Variants in FAM180A observed in about 807,000 individuals in gnomAD.
The protein encoded by FAM180A is family with sequence similarity 180 member A, also known as protein FAM180A.
In FAM180A, 14 loss-of-function variants were observed where a neutral mutation model predicts 15.3. The ratio of observed to expected loss-of-function variants is 0.92; its 90% confidence interval spans 0.61 to 1.43. The LOEUF is 1.43. FAM180A is among the 40% of genes most tolerant of loss of function. The pLI is 0.00. For synonymous variants in FAM180A, 90 were observed against 96.8 expected (o/e 0.93, Z 0.41); for missense variants, 200 against 220.8 (o/e 0.91, Z 0.60).
At chr7:135,740,974 C>A (rs200687371) in intron 1 of FAM180A, among the ~76,000 whole-genome samples, 14,031 of 150,478 alleles carry the variant, frequency 0.093, 2,138 homozygotes, top group African/African-American at 0.32. Flanking sequence ...CAAAACAAAA[C>A]AAAAAAAAAA....
rs143004236 is a variant in FAM180A at position 135,736,046 on chromosome 7, G to A, written c.177+1053C>T. On this transcript the variant is annotated intron_variant, in intron 2 of 3. Transcript: ENST00000338588. ...CTTTTTTTTTTTTTCTTTTTGAGATGGAGTCTTGCTCTATTGTCCAGGCTG... is the reference window on the plus strand; with the variant it reads ...CTTTTTTTTTTTTTCTTTTTGAGATAGAGTCTTGCTCTATTGTCCAGGCTG... Among the ~76,000 whole-genome samples the A allele has an allele frequency of 5.8e-3, 864 of 149,304 alleles. 23 individuals carry two copies. The East Asian group carries it at 0.1, about 18-fold the overall frequency.
At chr7:135,741,594 C>T (rs1010632115) in intron 1 of FAM180A, among the ~76,000 whole-genome samples, 7 of 151,600 alleles carry the variant, frequency 4.6e-5, no homozygotes, top group South Asian at 2.1e-4. Flanking sequence ...GAAGCTGAGG[C>T]GGGTGGATAA....
At chr7:135,746,740 A>C (rs746263263) in intron 1 of FAM180A, among the ~76,000 whole-genome samples, 2 of 152,208 alleles carry the variant, frequency 1.3e-5, no homozygotes, top group Non-Finnish European at 2.9e-5. Context: ...TTGTGCACAC[A>C]ATGAAAAGGG....
chr7:135,731,264 C>T (rs532904417), intron 3 of FAM180A, among the ~76,000 whole-genome samples: 1 of 152,244 alleles, frequency 6.6e-6, no homozygotes, highest in Admixed American at 6.5e-5. Flanking sequence ...TGCTAATCCA[C>T]TCCCCATCTG....
intron 1 of FAM180A, among the ~76,000 whole-genome samples, chr7:135,741,822 C>CA (rs59304333): frequency 0.019 from 2,312 of 119,148 alleles, 47 homozygotes; most frequent in East Asian, 0.1. Context: ...GACCCTGTCT[C>CA]AAAAAAAAAA....
At chr7:135,736,022 T>C (rs1182724629) in intron 2 of FAM180A, among the ~76,000 whole-genome samples, 1 of 142,068 alleles carries the variant, frequency 7.0e-6, no homozygotes, top group Admixed American at 7.1e-5. Context: ...CTTTCTTTTC[T>C]TTTTTTTTTT....
In FAM180A at chr7:135,729,843, G is replaced by A; in HGVS notation, c.*768C>T. 2 of 814,592 alleles carry A rather than the reference G, an allele frequency of 2.5e-6. No homozygotes were observed. The highest frequency in any genetic ancestry group is 3.0e-6 in the Non-Finnish European group (2 of 674,336). The allele number at this position is 814,592 out of a possible 1,614,324, so 50.5% of individuals were successfully genotyped here. A position where few individuals can be genotyped will look rare whatever the true frequency, so the allele number is the denominator to read the frequency against. On this transcript the variant is annotated 3_prime_UTR_variant, in exon 4 of 4. Coordinates refer to ENST00000338588, the MANE Select transcript of FAM180A (RefSeq NM_205855.4). Reference sequence around the variant, plus strand: ...GCAGAATAATGGTGCCAAGAGCTGGGGCAGGCAGGGGGAAGGGGAAAAGAG... The same window carrying A: ...GCAGAATAATGGTGCCAAGAGCTGGAGCAGGCAGGGGGAAGGGGAAAAGAG...
chr7:135,747,973 A>G (rs1037456854), intron 1 of FAM180A, among the ~76,000 whole-genome samples: 15 of 152,254 alleles, frequency 9.9e-5, no homozygotes, highest in Non-Finnish European at 2.2e-4. Flanking sequence ...GAGGTGGCGG[A>G]GCTGGTGGGT....
intron 2 of FAM180A, among the ~76,000 whole-genome samples, chr7:135,735,514 C>A (rs1472883169): frequency 6.6e-6 from 1 of 152,138 alleles, no homozygotes; most frequent in Non-Finnish European, 1.5e-5. Flanking sequence ...TTCTCTCTGT[C>A]TCTGTCCTCC....
At chr7:135,742,514 G>T (rs1313269811) in intron 1 of FAM180A, among the ~76,000 whole-genome samples, 1 of 152,174 alleles carries the variant, frequency 6.6e-6, no homozygotes, top group Admixed American at 6.5e-5. Flanking sequence ...GTGGGGTGGG[G>T]AAACCAAGCA....
Position 135,748,541 on chromosome 7 carries a change from T to C in FAM180A, c.40A>G (p.Asn14Asp). 1.9e-6 allele frequency: 3 copies of C among 1,614,140 alleles called. No individual in the cohort carries two copies. The highest frequency in any genetic ancestry group is 2.5e-6 in the Non-Finnish European group (3 of 1,179,992). Residue 14 changes from asparagine to aspartate, a missense_variant, in exon 1 of 4, where the codon AAT becomes GAT. By Grantham distance (23) the Asn-to-Asp change is conservative. Transcript: ENST00000338588. ...CTGTGGCACATAGAAGCCTCAGCATTGTAATACAACAGCAGAAGCAGCAAC... is the reference window on the plus strand; with the variant it reads ...CTGTGGCACATAGAAGCCTCAGCATCGTAATACAACAGCAGAAGCAGCAAC... Reference protein sequence around the residue: ...KMLLLLLLYYNAEASMCHRWS... With the variant: ...KMLLLLLLYYDAEASMCHRWS...
intron 3 of FAM180A, among the ~76,000 whole-genome samples, chr7:135,731,886 T>C (rs1416956517): frequency 6.6e-6 from 1 of 152,222 alleles, no homozygotes; most frequent in Non-Finnish European, 1.5e-5. Flanking sequence ...AACTGTTAAA[T>C]ACCCATTTCA....
At position 135,748,751 on chromosome 7, in the gene FAM180A, C is replaced by T. The variant is rs73723911; in HGVS notation, c.-171G>A. 3 of 626,914 alleles carry T rather than the reference C, an allele frequency of 4.8e-6. No homozygotes were observed. The highest frequency in any genetic ancestry group is 1.8e-5 in the African/African-American group (1 of 54,496). The allele number at this position is 626,914 out of a possible 1,614,324, so 38.8% of individuals were successfully genotyped here. A position where few individuals can be genotyped will look rare whatever the true frequency, so the allele number is the denominator to read the frequency against. ...TCAGAAGGCTGGAGGCTGAAGGCTG[C>T]GTCCTGGGTGGGACAGGAGTCGGTA... On this transcript the variant is annotated 5_prime_UTR_variant, in exon 1 of 4. Coordinates refer to ENST00000338588, the MANE Select transcript of FAM180A (RefSeq NM_205855.4).
chr7:135,729,716 C>CT lies in FAM180A; in HGVS notation c.*894_*895insA. On this transcript the variant is annotated 3_prime_UTR_variant, in exon 4 of 4. Transcript: ENST00000338588. Reference sequence around the variant, plus strand: ...CTCCTTCAGAACTCTACCCATTTTTCAGAGGAAGGAAACACTTTTCCAGAA... The same window carrying CT: ...CTCCTTCAGAACTCTACCCATTTTTCTAGAGGAAGGAAACACTTTTCCAGAA... 1 of 985,294 alleles carries CT rather than the reference C, an allele frequency of 1.0e-6. No individual in the cohort carries two copies. Among genetic ancestry groups the CT allele is most frequent in the South Asian group, 4.7e-5 (1 of 21,276 alleles). The allele number at this position is 985,294 out of a possible 1,614,324, so 61.0% of individuals were successfully genotyped here.
chr7:135,737,409 C>T (rs1796887425), intron 1 of FAM180A, among the ~76,000 whole-genome samples: 1 of 141,692 alleles, frequency 7.1e-6, no homozygotes, highest in Non-Finnish European at 1.5e-5. Flanking sequence ...CAACATGGTG[C>T]AACCCCATCT....
chr7:135,733,222 T>C (rs1326226988), intron 3 of FAM180A, among the ~76,000 whole-genome samples: 2 of 152,254 alleles, frequency 1.3e-5, no homozygotes. Flanking sequence ...TTATATTTAC[T>C]GTAGAACCTC....
At chr7:135,745,446 G>C (rs1030824413) in intron 1 of FAM180A, among the ~76,000 whole-genome samples, 1 of 152,052 alleles carries the variant, frequency 6.6e-6, no homozygotes. Flanking sequence ...GCAGGACCTG[G>C]TATGTGCTGG....
chr7:135,734,334 G>A lies in FAM180A; in HGVS notation c.178-15C>T, dbSNP rs1483236051. The A allele has an allele frequency of 1.9e-6, 3 of 1,568,382 alleles. No homozygotes were observed. Among genetic ancestry groups the A allele is most frequent in the Non-Finnish European group, 2.6e-6 (3 of 1,155,816 alleles). ...GCCAGCAGGAACTGGTGAGAAATGT[G>A]GATGTGCAAAAATATGAAGTGAGGC... On this transcript the variant is annotated splice_polypyrimidine_tract_variant and intron_variant, in intron 2 of 3. Transcript: ENST00000338588.
At chr7:135,732,431 G>A (rs1193485333) in intron 3 of FAM180A, among the ~76,000 whole-genome samples, 22 of 152,138 alleles carry the variant, frequency 1.4e-4, no homozygotes, top group Admixed American at 1.3e-3. Context: ...AATGGCTCTC[G>A]CCTATAATCC....
Sources: gnomAD v4.1 joint callset for allele counts (sites outside exome capture counted in the v4.1 genomes callset) on GRCh38, gnomAD v4.1.1 for gene constraint, MANE v1.5 for transcripts, NCBI Gene and HGNC (gene_info 2026-07-23, HGNC 2026-07-21) for gene names.